PGBD5: variants seen among roughly 807,000 people sequenced by gnomAD.
PGBD5 encodes the protein piggyBac transposable element derived 5, also known as piggyBac transposable element-derived protein 5.
In PGBD5, 14 loss-of-function variants were observed where a neutral mutation model predicts 47.9. The ratio of observed to expected loss-of-function variants is 0.29; its 90% CI spans 0.19 to 0.46. The LOEUF (loss-of-function observed/expected upper bound fraction) is 0.46. Ranked by LOEUF, PGBD5 falls within the 20% of genes least tolerant of loss-of-function variation. The pLI, the probability that PGBD5 is intolerant of heterozygous loss-of-function variation, is 1.00. For synonymous variants in PGBD5, 316 were observed against 306.3 expected, an observed-to-expected ratio of 1.03 and a Z score of -0.33; for missense variants, 635 against 716.0, an observed-to-expected ratio of 0.89 and a Z score of 1.29.
chr1:230,346,256 G>T (rs1405178445), intron 3 of PGBD5, among the ~76,000 whole-genome samples: 1 of 152,136 alleles, frequency 6.6e-6, no homozygotes, highest in Non-Finnish European at 1.5e-5. Flanking sequence ...GCCCAGGCTG[G>T]TCTTGAATTC....
intron 5 of PGBD5, among the ~76,000 whole-genome samples, chr1:230,328,044 C>T (rs910234377): frequency 6.6e-6 from 1 of 152,114 alleles, no homozygotes; most frequent in Admixed American, 6.5e-5. Context: ...GTTCTTTTCC[C>T]GGAACTCAGG....
intron 1 of PGBD5, among the ~76,000 whole-genome samples, chr1:230,416,859 C>G (rs911172916): frequency 6.6e-6 from 1 of 152,136 alleles, no homozygotes; most frequent in African/African-American, 2.4e-5. Flanking sequence ...TCCAGCACAG[C>G]CTGGGGAAAC....
chr1:230,355,654 C>G (rs181098401), intron 2 of PGBD5, among the ~76,000 whole-genome samples: 1 of 152,178 alleles, frequency 6.6e-6, no homozygotes, highest in Non-Finnish European at 1.5e-5. Flanking sequence ...GAGGATGAGG[C>G]GCAGTGGCAT....
intron 1 of PGBD5, among the ~76,000 whole-genome samples, chr1:230,404,925 CAAA>C (rs57462323): frequency 1.5e-5 from 1 of 66,194 alleles, no homozygotes. Flanking sequence ...AACTCCATCT[CAAA>C]AAAAAAAAAA....
intron 1 of PGBD5, among the ~76,000 whole-genome samples, chr1:230,419,119 A>G (rs545352014): frequency 2.0e-5 from 3 of 152,350 alleles, no homozygotes; most frequent in Admixed American, 2.0e-4. Context: ...TATGTTCATT[A>G]CAGTGCTATT....
intron 1 of PGBD5, among the ~76,000 whole-genome samples, chr1:230,399,781 C>T (rs993450420): frequency 2.0e-5 from 3 of 152,234 alleles, no homozygotes; most frequent in African/African-American, 4.8e-5. Flanking sequence ...CTCCTGCCCA[C>T]GTTGCCGCAG....
At chr1:230,418,885 T>C (rs1657585328) in intron 1 of PGBD5, among the ~76,000 whole-genome samples, 2 of 152,222 alleles carry the variant, frequency 1.3e-5, no homozygotes, top group African/African-American at 4.8e-5. Context: ...TCTCATGCAA[T>C]CTATGTGTGC....
chr1:230,406,037 A>G (rs1657289781), intron 1 of PGBD5, among the ~76,000 whole-genome samples: 1 of 152,240 alleles, frequency 6.6e-6, no homozygotes, highest in South Asian at 2.1e-4. Context: ...GGCTGGGCAC[A>G]GTGGCTCACG....
At chr1:230,405,991 T>C (rs573651883) in intron 1 of PGBD5, among the ~76,000 whole-genome samples, 20 of 152,312 alleles carry the variant, frequency 1.3e-4, no homozygotes, top group South Asian at 6.2e-4. Context: ...ACTAAAAATA[T>C]GCTAGGATTC....
chr1:230,382,031 CAA>C (rs1656513300), intron 1 of PGBD5, among the ~76,000 whole-genome samples: 1 of 148,056 alleles, frequency 6.8e-6, no homozygotes, highest in Non-Finnish European at 1.5e-5. Flanking sequence ...CTTTCTCATG[CAA>C]AGTTTTAACT....
At chr1:230,384,786 CTTAA>C (rs746070860) in intron 1 of PGBD5, among the ~76,000 whole-genome samples, 1 of 152,124 alleles carries the variant, frequency 6.6e-6, no homozygotes, top group Non-Finnish European at 1.5e-5. Context: ...CACTCAGGTG[CTTAA>C]TTAAATATTA....
In PGBD5 at chr1:230,377,579, G is replaced by C. The variant is rs1668033419; in HGVS notation, c.332-20258C>G. 6 of 1,599,722 alleles carry C rather than the reference G, an allele frequency of 3.8e-6. No individual in the cohort carries two copies. The Admixed American group carries it at 1.0e-4, about 27-fold the overall frequency. ...AGCTCAGGTCCTGCAGAGTCCCCGA[G>C]AGTACTTTGCACGAAGAGAGCTCGA... On this transcript the variant is annotated intron_variant, in intron 1 of 6. Transcript: ENST00000391860.
chr1:230,393,807 AGAACGAGACTCCGTCTC>A, intron 1 of PGBD5, among the ~76,000 whole-genome samples: 1 of 148,494 alleles, frequency 6.7e-6, no homozygotes, highest in Non-Finnish European at 1.5e-5. Context: ...CCTGGGCGAC[AGAACGAGACTCCGTCTC>A]AAAAAAAAAA....
chr1:230,357,063 C>A lies in PGBD5; in HGVS notation c.590G>T (p.Arg197Leu). Residue 197 changes from arginine (R) to leucine (L), a missense_variant, in exon 2 of 7, where the codon CGC becomes CTC. Arg to Leu is a moderately radical substitution (Grantham distance 102, BLOSUM62 -2). Coordinates refer to ENST00000391860, the MANE Select transcript of PGBD5 (RefSeq NM_001258311.2). This position sits in a 1 kb window ranked among gnomAD's most constrained non-coding sequence, Gnocchi z 5.7. Reference protein sequence around the residue: ...SIWSGGFYSNRSLALVMSQAR... With the variant: ...SIWSGGFYSNLSLALVMSQAR... ...CTGGCTCATGACGAGGGCGAGGCTG[C>A]GGTTGCTGTAGAAGCCTCCGCTCCA... 1 of 1,614,148 alleles carries A rather than the reference C, an allele frequency of 6.2e-7. No individual in the cohort carries two copies. Among genetic ancestry groups the A allele is most frequent in the South Asian group, 1.1e-5 (1 of 91,082 alleles).
intron 5 of PGBD5, among the ~76,000 whole-genome samples, chr1:230,329,841 G>T (rs1282250485): frequency 2.6e-5 from 4 of 152,210 alleles, no homozygotes; most frequent in Non-Finnish European, 4.4e-5. Flanking sequence ...GTGGATTATG[G>T]TAAAGAGCAC....
rs181497173 is a variant in PGBD5, at chr1:230,378,616, G to T, written c.332-21295C>A. ...TCTCTCCACCTCTGTTTGAACCACC[G>T]CCTACTTCTTGCCTGTTCTCTGTAA... On this transcript the variant is annotated intron_variant, in intron 1 of 6. Coordinates refer to ENST00000391860, the MANE Select transcript of PGBD5 (RefSeq NM_001258311.2). 5.2e-3 allele frequency among the ~76,000 whole-genome samples: 786 copies of T among 152,226 alleles called. 6 individuals are homozygous for T. The highest frequency in any genetic ancestry group is 7.9e-3 in the Non-Finnish European group (538 of 68,012).
At chr1:230,421,018 AG>A (rs939771098) in intron 1 of PGBD5, among the ~76,000 whole-genome samples, 1 of 152,198 alleles carries the variant, frequency 6.6e-6, no homozygotes, top group African/African-American at 2.4e-5. Flanking sequence ...GCCTCTAAAA[AG>A]AAGTCTACAA....
chr1:230,402,228 G>T (rs577540831), intron 1 of PGBD5, among the ~76,000 whole-genome samples: 1 of 152,162 alleles, frequency 6.6e-6, no homozygotes, highest in African/African-American at 2.4e-5. Flanking sequence ...ACTGACATCC[G>T]TGTTCACACA....
intron 1 of PGBD5, among the ~76,000 whole-genome samples, chr1:230,375,652 CTTTTTTTTTTTT>C (rs199545872): frequency 0.16 from 16,505 of 105,870 alleles, 1,330 homozygotes; most frequent in Admixed American, 0.27. Flanking sequence ...TCCTATTTGA[CTTTTTTTTTTTT>C]TTTTTTTTTT....
Sources: allele counts gnomAD v4.1 joint callset (sites outside exome capture counted in the v4.1 genomes callset), GRCh38; gene constraint gnomAD v4.1.1; non-coding constraint Gnocchi (gnomAD v3.1); transcripts MANE v1.5; gene names NCBI Gene and HGNC (gene_info 2026-07-23, HGNC 2026-07-21).